Variants in SNTB2 observed in about 807,000 individuals in gnomAD.
SNTB2 encodes the protein syntrophin beta 2, also known as beta-2-syntrophin.
Under a neutral mutation model 46.2 loss-of-function variants are expected in SNTB2, and 34 were observed. The ratio of observed to expected loss-of-function variants is 0.74; its 90% CI spans 0.56 to 0.98. The LOEUF is 0.98. Ranked by LOEUF, SNTB2 falls within the 50% of genes least tolerant of loss-of-function variation. The pLI is 0.00. For missense variants in SNTB2, 603 were observed against 731.4 expected (o/e 0.82, Z 2.02); for synonymous variants, 290 against 312.6 (o/e 0.93, Z 0.76).
At chr16:69,258,847 A>T in intron 2 of SNTB2, among the ~76,000 whole-genome samples, 1 of 151,952 alleles carries the variant, frequency 6.6e-6, no homozygotes, top group East Asian at 1.9e-4. Context: ...TCCTGACCTG[A>T]GGTGATCTGC....
chr16:69,201,228 C>T (rs1257331813), intron 1 of SNTB2, among the ~76,000 whole-genome samples: 1 of 152,058 alleles, frequency 6.6e-6, no homozygotes, highest in Non-Finnish European at 1.5e-5. Flanking sequence ...TATTTAAGCA[C>T]CTTGTATATT....
At chr16:69,293,839 G>A (rs1470638926) in intron 5 of SNTB2, among the ~76,000 whole-genome samples, 2 of 152,160 alleles carry the variant, frequency 1.3e-5, no homozygotes, top group Non-Finnish European at 2.9e-5. Context: ...CTGGAAGAGG[G>A]ACAGATGGAA....
chr16:69,265,236 G>A (rs949179647), intron 3 of SNTB2, among the ~76,000 whole-genome samples: 4 of 152,262 alleles, frequency 2.6e-5, no homozygotes, highest in South Asian at 4.1e-4. Context: ...GCAACAAAGC[G>A]AGACTCTGTC....
chr16:69,211,527 A>G (rs988615099), intron 1 of SNTB2, among the ~76,000 whole-genome samples: 2 of 147,006 alleles, frequency 1.4e-5, no homozygotes, highest in Non-Finnish European at 3.0e-5. Flanking sequence ...ATGAGACCCC[A>G]TCTCAAGGGA....
At chr16:69,243,243 C>T (rs1964635721) in intron 1 of SNTB2, among the ~76,000 whole-genome samples, 2 of 152,168 alleles carry the variant, frequency 1.3e-5, no homozygotes, top group South Asian at 2.1e-4. Flanking sequence ...TATCCAGCCA[C>T]GTGTCCAGGT....
In SNTB2 at chr16:69,299,577, T is replaced by A. The variant is rs1443133550; in HGVS notation, c.1346-13T>A. 6.2e-7 allele frequency: 1 copy of A among 1,608,776 alleles called. No homozygotes were observed. Among genetic ancestry groups the A allele is most frequent in the South Asian group, 1.1e-5 (1 of 90,784 alleles). On this transcript the variant is annotated splice_polypyrimidine_tract_variant and intron_variant, in intron 5 of 6. Transcript: ENST00000336278. Reference sequence around the variant, plus strand: ...CAACTTTACAACTAATGTTTTTTGCTTTTCTTCAACAGGCTGCATGTTAAA... The same window carrying A: ...CAACTTTACAACTAATGTTTTTTGCATTTCTTCAACAGGCTGCATGTTAAA...
chr16:69,266,888 C>T (rs190037251), intron 3 of SNTB2, among the ~76,000 whole-genome samples: 3 of 152,038 alleles, frequency 2.0e-5, no homozygotes, highest in South Asian at 2.1e-4. Flanking sequence ...GGCTGATTTT[C>T]GTATTTTTTG....
intron 1 of SNTB2, among the ~76,000 whole-genome samples, chr16:69,196,298 A>G (rs1363673512): frequency 6.6e-6 from 1 of 152,008 alleles, no homozygotes; most frequent in African/African-American, 2.4e-5. Context: ...AGGAATCAAA[A>G]TAGATAATAA....
chr16:69,211,308 T>G (rs1964283806), intron 1 of SNTB2, among the ~76,000 whole-genome samples: 1 of 152,088 alleles, frequency 6.6e-6, no homozygotes, highest in Non-Finnish European at 1.5e-5. Flanking sequence ...TATTTAAGGT[T>G]GTTTTATTAA....
rs77734673 is a variant in SNTB2, at chr16:69,216,881, C to A, written c.581-28721C>A. 3.0e-3 allele frequency among the ~76,000 whole-genome samples: 455 copies of A among 152,344 alleles called. 4 individuals are homozygous for A. Among genetic ancestry groups the A allele is most frequent in the African/African-American group, 0.01 (427 of 41,580 alleles). ...GCTGTGCCACTTTTCTAACCATGCT[C>A]TTCCCCTGTCATTGCTGCAAAGCCC... On this transcript the variant is annotated intron_variant, in intron 1 of 6. Coordinates refer to ENST00000336278, the MANE Select transcript of SNTB2 (RefSeq NM_006750.4).
intron 2 of SNTB2, among the ~76,000 whole-genome samples, chr16:69,248,108 A>G (rs903194498): frequency 2.0e-5 from 3 of 152,316 alleles, no homozygotes; most frequent in Non-Finnish European, 1.5e-5. Context: ...GGGTGACAGA[A>G]CAATATCCTG....
chr16:69,194,076 C>G (rs1200644631), intron 1 of SNTB2, among the ~76,000 whole-genome samples: 1 of 151,958 alleles, frequency 6.6e-6, no homozygotes, highest in Non-Finnish European at 1.5e-5. Context: ...TCAAATAATC[C>G]TCTTGCATGC....
At chr16:69,259,929 A>T (rs1214988517) in intron 2 of SNTB2, 121 bp from the exon 3 acceptor site, 1 of 803,644 alleles carries the variant, frequency 1.2e-6, no homozygotes, top group Non-Finnish European at 2.1e-6. Context: ...TCTTTATTTG[A>T]GTATACAAAT....
chr16:69,300,736 A>G (rs1437668103), intron 6 of SNTB2, 96 bp from the exon 7 acceptor site: 1 of 861,306 alleles, frequency 1.2e-6, no homozygotes, highest in African/African-American at 1.7e-5. Flanking sequence ...GCTCTGGCAC[A>G]TTCTTTACCT....
chr16:69,222,456 G>A (rs1230755724), intron 1 of SNTB2, among the ~76,000 whole-genome samples: 1 of 151,940 alleles, frequency 6.6e-6, no homozygotes, highest in Admixed American at 6.6e-5. Flanking sequence ...GGTTGGGCGT[G>A]GTGGTGTGTG....
rs1000847114 is a variant in SNTB2, at chr16:69,306,399, G to C, written c.*5475G>C. 2.0e-5 allele frequency: 3 copies of C among 152,124 alleles called. No homozygotes were observed. The highest frequency in any genetic ancestry group is 7.2e-5 in the African/African-American group (3 of 41,416). The allele number at this position is 152,124 out of a possible 1,614,324, so 9.4% of individuals were successfully genotyped here. A position where few individuals can be genotyped will look rare whatever the true frequency, so the allele number is the denominator to read the frequency against. On this transcript the variant is annotated 3_prime_UTR_variant, in exon 7 of 7. Transcript: ENST00000336278. ...CACCTCTATTCTTTCTTCCCACGTT[G>C]GGTGACTGAACTGATGCTTATTCTA... is the stretch of plus-strand genomic sequence containing the variant.
chr16:69,299,816 C>A, intron 6 of SNTB2, 42 bp downstream of exon 6: 2 of 1,555,592 alleles, frequency 1.3e-6, no homozygotes, highest in Non-Finnish European at 1.8e-6. Flanking sequence ...AATAGATGTT[C>A]TCTTTCCTTC....
chr16:69,269,213 G>A (rs746962299), intron 3 of SNTB2, among the ~76,000 whole-genome samples: 2 of 151,456 alleles, frequency 1.3e-5, no homozygotes, highest in Non-Finnish European at 2.9e-5. Flanking sequence ...ACCGTGATCC[G>A]CGTTTTAAAA....
At chr16:69,286,721 A>G (rs1452730708) in intron 5 of SNTB2, among the ~76,000 whole-genome samples, 2 of 151,912 alleles carry the variant, frequency 1.3e-5, no homozygotes, top group East Asian at 3.9e-4. Flanking sequence ...ATGAAAAAAA[A>G]AAAAAAAGCC....
Sources: gnomAD v4.1 joint callset for allele counts (sites outside exome capture counted in the v4.1 genomes callset) on GRCh38, gnomAD v4.1.1 for gene constraint, MANE v1.5 for transcripts, NCBI Gene and HGNC (gene_info 2026-07-23, HGNC 2026-07-21) for gene names.